The following TMEM131 variants were observed in gnomAD, a reference collection of about 807,000 sequenced individuals.
TMEM131 encodes the protein 2610524E03Rik.
TMEM131 carries 66 observed loss-of-function variants against 211.6 expected under a neutral mutation model. That is an observed-to-expected ratio of 0.31 (90% CI 0.26 to 0.38). The LOEUF is 0.38. Among genes scored for constraint, TMEM131 ranks in the 10% least tolerant of loss-of-function variants. The probability of loss-of-function intolerance (pLI) is 1.00; values close to 1 mark genes in which losing one functional copy is unlikely to be tolerated. For synonymous variants in TMEM131, 844 were observed against 841.3 expected (o/e 1.00, Z -0.06); for missense variants, 2,036 against 2,299.3 (o/e 0.89, Z 2.34).
chr2:97,832,004 C>CAAGAAAAAA (rs1682717480), intron 11 of TMEM131, among the ~76,000 whole-genome samples: 1 of 60,266 alleles, frequency 1.7e-5, no homozygotes, highest in Non-Finnish European at 2.9e-5. Flanking sequence ...AAGTCACTTC[C>CAAGAAAAAA]AAAAAAAAAA....
chr2:97,878,060 A>G (rs1047083498), intron 4 of TMEM131, among the ~76,000 whole-genome samples: 1 of 152,214 alleles, frequency 6.6e-6, no homozygotes, highest in Admixed American at 6.5e-5. Context: ...CAGACACTTC[A>G]AGAGAAGACA....
intron 4 of TMEM131, among the ~76,000 whole-genome samples, chr2:97,869,830 T>C (rs530413782): frequency 5.9e-5 from 9 of 152,316 alleles, no homozygotes; most frequent in African/African-American, 2.2e-4. Context: ...CCACAAACTT[T>C]GAGGCTTAAA....
In TMEM131 at chr2:97,825,715, T is replaced by A. The variant is rs553171136; in HGVS notation, c.1075-6994A>T. Reference sequence around the variant, plus strand: ...TAGCTCTTGGAGTCCTTACTCAGACTCGTGGGACAACCCCACAACCAGCGG... The same window carrying A: ...TAGCTCTTGGAGTCCTTACTCAGACACGTGGGACAACCCCACAACCAGCGG... On this transcript the variant is annotated intron_variant, in intron 11 of 40. Transcript: ENST00000186436. 5.9e-5 allele frequency among the ~76,000 whole-genome samples: 9 copies of A among 152,304 alleles called. No homozygotes were observed. The South Asian group carries it at 1.9e-3, about 32-fold the overall frequency.
At chr2:97,944,565 T>C (rs1202762079) in intron 1 of TMEM131, among the ~76,000 whole-genome samples, 1 of 152,198 alleles carries the variant, frequency 6.6e-6, no homozygotes, top group South Asian at 2.1e-4. Context: ...GCAAATGATG[T>C]ATCTGATAAG....
At chr2:97,855,689 G>A (rs1199868142) in intron 5 of TMEM131, among the ~76,000 whole-genome samples, 1 of 138,746 alleles carries the variant, frequency 7.2e-6, no homozygotes, top group African/African-American at 2.8e-5. Context: ...GACAGAGAGA[G>A]ACCCTGTCTC....
At chr2:97,783,480 G>A (rs1680109100) in intron 31 of TMEM131, among the ~76,000 whole-genome samples, 1 of 152,040 alleles carries the variant, frequency 6.6e-6, no homozygotes. Flanking sequence ...TGTATGTAGA[G>A]GAAATATTTA....
intron 3 of TMEM131, among the ~76,000 whole-genome samples, chr2:97,894,067 G>A (rs1334954402): frequency 2.6e-5 from 4 of 152,118 alleles, no homozygotes; most frequent in African/African-American, 4.8e-5. Context: ...AAGGTATAAC[G>A]AAAGGGTCCA....
At chr2:97,905,191 AT>A (rs796198183) in intron 3 of TMEM131, among the ~76,000 whole-genome samples, 13 of 151,786 alleles carry the variant, frequency 8.6e-5, no homozygotes, top group Non-Finnish European at 1.3e-4. Flanking sequence ...AAATGTCTTC[AT>A]TTTTTTTGAA....
At chr2:97,842,442 A>G (rs1302672623) in intron 6 of TMEM131, among the ~76,000 whole-genome samples, 1 of 152,218 alleles carries the variant, frequency 6.6e-6, no homozygotes, top group Non-Finnish European at 1.5e-5. Context: ...AACAGTAAAA[A>G]AACAGATAAT....
chr2:97,910,109 T>C (rs1016873382), intron 2 of TMEM131, among the ~76,000 whole-genome samples: 2 of 152,082 alleles, frequency 1.3e-5, no homozygotes, highest in Admixed American at 6.5e-5. Flanking sequence ...AAATGGCCAG[T>C]AGGCACTTTA....
intron 3 of TMEM131, among the ~76,000 whole-genome samples, chr2:97,907,567 T>C (rs1676124803): frequency 6.6e-6 from 1 of 152,200 alleles, no homozygotes; most frequent in African/African-American, 2.4e-5. Flanking sequence ...GAATGGAAAC[T>C]GCAGTGATGA....
Position 97,760,723 on chromosome 2 carries a change from C to G in TMEM131, c.5012-34G>C, listed in dbSNP as rs779348325. On this transcript the variant is annotated intron_variant, in intron 37 of 40. Transcript: ENST00000186436. ...ATGGACGTTCAATCAATGGAAGGCA[C>G]ATTAGGACAGAGGTCATTCCACCAG... 3.1e-6 allele frequency: 5 copies of G among 1,613,884 alleles called. No individual in the cohort carries two copies. The African/African-American group carries it at 5.3e-5, about 17-fold the overall frequency.
intron 4 of TMEM131, among the ~76,000 whole-genome samples, chr2:97,874,776 A>C (rs765493169): frequency 2.0e-5 from 3 of 152,208 alleles, no homozygotes; most frequent in Non-Finnish European, 4.4e-5. Flanking sequence ...AAATATACTA[A>C]ATTGTAAAGA....
At chr2:97,884,215 C>T (rs140100396) in intron 4 of TMEM131, among the ~76,000 whole-genome samples, 1 of 152,188 alleles carries the variant, frequency 6.6e-6, no homozygotes, top group East Asian at 1.9e-4. Context: ...TTGATTTTCA[C>T]GTATTTGTAG....
rs1573672491 is a variant in TMEM131 at position 97,995,687 on chromosome 2, C to G, written c.-25G>C. 2.3e-5 allele frequency: 28 copies of G among 1,194,046 alleles called. No homozygotes were observed. In the East Asian group the frequency reaches 1.0e-3, roughly 43 times the overall value. The allele number at this position is 1,194,046 out of a possible 1,614,324, so 74.0% of individuals were successfully genotyped here. A position where few individuals can be genotyped will look rare whatever the true frequency, so the allele number is the denominator to read the frequency against. On this transcript the variant is annotated 5_prime_UTR_variant, in exon 1 of 41. Coordinates refer to ENST00000186436, the MANE Select transcript of TMEM131 (RefSeq NM_015348.2). ...TCCCTGCCGGCCGGGGGCCGCCGCG[C>G]TCGAGGTCCGGCGCGGCCCTTCTCG... is the stretch of plus-strand genomic sequence containing the variant.
intron 4 of TMEM131, among the ~76,000 whole-genome samples, chr2:97,860,920 T>A (rs1674039583): frequency 6.6e-6 from 1 of 152,146 alleles, no homozygotes; most frequent in South Asian, 2.1e-4. Flanking sequence ...GATGCCACCC[T>A]TTCCCACCTA....
chr2:97,873,808 C>A (rs193111015), intron 4 of TMEM131, among the ~76,000 whole-genome samples: 2 of 152,330 alleles, frequency 1.3e-5, no homozygotes, highest in African/African-American at 4.8e-5. Context: ...ATCAGAAGGT[C>A]TCTTCTCCTC....
At chr2:97,898,418 G>T (rs1675708943) in intron 3 of TMEM131, among the ~76,000 whole-genome samples, 1 of 152,054 alleles carries the variant, frequency 6.6e-6, no homozygotes, top group Admixed American at 6.6e-5. Context: ...ACTATTATGT[G>T]GAGACAGGGT....
chr2:97,818,642 T>C lies in TMEM131; in HGVS notation c.1154A>G (p.Tyr385Cys), dbSNP rs968046034. 1.2e-6 allele frequency: 2 copies of C among 1,606,464 alleles called. No homozygotes were observed. Among genetic ancestry groups the C allele is most frequent in the African/African-American group, 2.7e-5 (2 of 74,858 alleles). ...PITLKASESK[Y>C]TKVASISFDA... ...AAAACTAATGCTTGCAACCTTGGTG[T>C]ATTTACTTTCTGATGCTTTTAATGT... is the stretch of plus-strand genomic sequence containing the variant. The change falls in exon 12 of 41, where the codon TAC (tyrosine) becomes TGC (cysteine). Residue 385 changes from tyrosine (Y) to cysteine (C), a missense_variant. Tyr to Cys is a radical substitution (Grantham distance 194, BLOSUM62 -2). Transcript: ENST00000186436.
Sources: allele counts gnomAD v4.1 joint callset (sites outside exome capture counted in the v4.1 genomes callset), GRCh38; gene constraint gnomAD v4.1.1; transcripts MANE v1.5; gene names NCBI Gene and HGNC (gene_info 2026-07-23, HGNC 2026-07-21).